AIRIM: variants seen among roughly 807,000 people sequenced by gnomAD.
The protein encoded by AIRIM is AFG2 interacting ribosome maturation factor, also known as AFG2-interacting ribosome maturation factor.
the AIRIM span, chr1:37,686,459 GAA>G: frequency 6.2e-7 from 1 of 1,610,856 alleles, no homozygotes; most frequent in Non-Finnish European, 8.5e-7. Context: ...GGCTCTGCAA[GAA>G]AGAGTCTGAC....
the AIRIM span, among the ~76,000 whole-genome samples, chr1:37,686,755 T>C: frequency 1.3e-5 from 2 of 152,192 alleles, no homozygotes; most frequent in Non-Finnish European, 2.9e-5. Context: ...GACAGTGTCT[T>C]GGAGGTACGG....
the AIRIM span, chr1:37,686,414 T>A: frequency 1.2e-6 from 2 of 1,614,086 alleles, no homozygotes. Context: ...TCGCTCCACA[T>A]GGCTGCTGAC....
chr1:37,688,605 T>C, the AIRIM span, among the ~76,000 whole-genome samples: 2 of 152,164 alleles, frequency 1.3e-5, no homozygotes, highest in African/African-American at 4.8e-5. Context: ...ACAAGGTGCC[T>C]AATGAACGTA....
At chr1:37,682,060 G>GA in the AIRIM span, 10 of 151,964 alleles carry the variant, frequency 6.6e-5, no homozygotes, top group African/African-American at 2.4e-4. Context: ...TATATTAAAA[G>GA]AAAAAATTTG....
chr1:37,684,915 T>C, the AIRIM span, among the ~76,000 whole-genome samples: 1 of 151,968 alleles, frequency 6.6e-6, no homozygotes, highest in Non-Finnish European at 1.5e-5. Flanking sequence ...TCTTAGCACT[T>C]TGGGAAGCCA....
chr1:37,689,176 T>C, the AIRIM span, among the ~76,000 whole-genome samples: 1 of 152,148 alleles, frequency 6.6e-6, no homozygotes, highest in Non-Finnish European at 1.5e-5. Context: ...GGCAATCTGC[T>C]TAAGCTTCAG....
At chr1:37,690,343 G>A in the AIRIM span, 3 of 1,290,052 alleles carry the variant, frequency 2.3e-6, no homozygotes, top group African/African-American at 4.6e-5. Context: ...CCTGGATAGG[G>A]CAGTCTCCTG....
the AIRIM span, chr1:37,689,827 G>A: frequency 6.2e-7 from 1 of 1,603,920 alleles, no homozygotes. Flanking sequence ...CCACCACGGG[G>A]AAGCACTTCT....
chr1:37,687,081 TGTG>T, the AIRIM span, among the ~76,000 whole-genome samples: 2 of 150,140 alleles, frequency 1.3e-5, no homozygotes, highest in African/African-American at 2.5e-5. Flanking sequence ...TGTGTGTGTG[TGTG>T]TGTGTGTGTG....
chr1:37,689,735 A>G, the AIRIM span: 1 of 1,613,918 alleles, frequency 6.2e-7, no homozygotes, highest in East Asian at 2.2e-5. Flanking sequence ...TGCGGCCTGC[A>G]GCTGTTCCGC....
At chr1:37,690,187 T>A in the AIRIM span, 1 of 1,179,620 alleles carries the variant, frequency 8.5e-7, no homozygotes, top group Non-Finnish European at 1.1e-6. Context: ...TGGCTAATTT[T>A]TGTATTTTTA....
At chr1:37,691,065 T>G in the AIRIM span, 1 of 152,318 alleles carries the variant, frequency 6.6e-6, no homozygotes, top group Non-Finnish European at 1.5e-5. Context: ...GCCATCTGAC[T>G]GATGGAGATC....
the AIRIM span, among the ~76,000 whole-genome samples, chr1:37,688,786 T>A: frequency 1.3e-5 from 2 of 152,010 alleles, no homozygotes; most frequent in Non-Finnish European, 2.9e-5. Context: ...GGCAACATAG[T>A]GAGACCCTAT....
the AIRIM span, chr1:37,690,306 A>AC: frequency 7.7e-7 from 1 of 1,290,662 alleles, no homozygotes; most frequent in South Asian, 1.2e-5. Context: ...TCTGAAGGAG[A>AC]CCCTGGTTTC....
chr1:37,689,903 C>G, the AIRIM span: 9 of 1,519,858 alleles, frequency 5.9e-6, no homozygotes, highest in Admixed American at 1.9e-4. Context: ...AAGATAAAAA[C>G]AGAAAATAAC....
chr1:37,685,567 T>C, the AIRIM span, among the ~76,000 whole-genome samples: 12 of 152,066 alleles, frequency 7.9e-5, no homozygotes, highest in African/African-American at 2.9e-4. Context: ...TTTGTATTTT[T>C]TGTAGAGACG....
At chr1:37,690,264 C>T in the AIRIM span, 4 of 1,292,518 alleles carry the variant, frequency 3.1e-6, no homozygotes, top group Non-Finnish European at 4.0e-6. Flanking sequence ...GGATTACAGG[C>T]GTGAGCCACC....
At chr1:37,688,566 T>C in the AIRIM span, among the ~76,000 whole-genome samples, 1 of 152,228 alleles carries the variant, frequency 6.6e-6, no homozygotes, top group Non-Finnish European at 1.5e-5. Flanking sequence ...TTCATTTTTA[T>C]ATTCTTGGCA....
At chr1:37,682,425 A>C in the AIRIM span, 1 of 152,612 alleles carries the variant, frequency 6.6e-6, no homozygotes. Context: ...GGCAAGTCAG[A>C]TGCCAGCTTT....
Sources: allele counts gnomAD v4.1 joint callset (sites outside exome capture counted in the v4.1 genomes callset), GRCh38; gene constraint gnomAD v4.1.1; transcripts MANE v1.5; gene names NCBI Gene and HGNC (gene_info 2026-07-23, HGNC 2026-07-21).